The following MACROD2 variants were observed in gnomAD, a reference collection of about 807,000 sequenced individuals.
MACROD2 encodes mono-ADP ribosylhydrolase 2.
Under a neutral mutation model 70.4 loss-of-function variants are expected in MACROD2, and 36 were observed. The observed-to-expected ratio is 0.51, with a 90% CI of 0.39 to 0.68. The LOEUF is 0.68. Ranked by LOEUF, MACROD2 falls within the 30% of genes least tolerant of loss-of-function variation. The probability of loss-of-function intolerance (pLI) is 0.00; values close to 1 mark genes in which losing one functional copy is unlikely to be tolerated. For missense variants in MACROD2, 496 were observed against 538.4 expected (o/e 0.92, Z 0.78); for synonymous variants, 172 against 178.8 (o/e 0.96, Z 0.30).
intron 6 of MACROD2, among the ~76,000 whole-genome samples, chr20:15,398,321 A>G (rs1177896410): frequency 6.6e-6 from 1 of 152,210 alleles, no homozygotes; most frequent in Non-Finnish European, 1.5e-5. Context: ...ATTGAGGTGC[A>G]AAAAGGTTAA....
intron 5 of MACROD2, among the ~76,000 whole-genome samples, chr20:14,789,380 C>T (rs1302401241): frequency 2.0e-5 from 3 of 149,174 alleles, no homozygotes; most frequent in African/African-American, 5.0e-5. Context: ...GAATCCAGGG[C>T]AGCCATCCAA....
chr20:15,105,313 T>C (rs2075902587), intron 5 of MACROD2, among the ~76,000 whole-genome samples: 1 of 152,100 alleles, frequency 6.6e-6, no homozygotes, highest in Non-Finnish European at 1.5e-5. Context: ...CAGGTTCAAC[T>C]CCTATTTTCA....
intron 3 of MACROD2, among the ~76,000 whole-genome samples, chr20:14,149,859 C>CT (rs2054993459): frequency 6.6e-6 from 1 of 151,922 alleles, no homozygotes; most frequent in Admixed American, 6.6e-5. Flanking sequence ...AGAGTATTGC[C>CT]TTTTTTTCTT....
intron 10 of MACROD2, among the ~76,000 whole-genome samples, chr20:15,910,394 ATGTGTGTGTGTGTGTGTGTG>A (rs3072220): frequency 6.8e-6 from 1 of 146,344 alleles, no homozygotes; most frequent in Non-Finnish European, 1.5e-5. Context: ...GTCAGAGGAC[ATGTGTGTGTGTGTGTGTGTG>A]TGTGTGTGTG....
At chr20:15,127,991 A>C (rs6110522) in intron 5 of MACROD2, among the ~76,000 whole-genome samples, 134,821 of 152,128 alleles carry the variant, frequency 0.89, 59,896 homozygotes, top group East Asian at 1. Flanking sequence ...TGTCTTCTCT[A>C]TAGTTTTCTG....
intron 3 of MACROD2, among the ~76,000 whole-genome samples, chr20:14,317,849 A>C (rs1165557558): frequency 6.6e-6 from 1 of 152,190 alleles, no homozygotes; most frequent in African/African-American, 2.4e-5. Context: ...GTGTGAATTA[A>C]ATGAGATTAA....
chr20:14,525,569 G>T (rs1303039180), intron 4 of MACROD2, among the ~76,000 whole-genome samples: 1 of 152,182 alleles, frequency 6.6e-6, no homozygotes, highest in African/African-American at 2.4e-5. Context: ...GCCCAGGCTT[G>T]TCAGACTCTG....
chr20:14,611,767 G>A (rs1205906767), intron 4 of MACROD2, among the ~76,000 whole-genome samples: 1 of 152,046 alleles, frequency 6.6e-6, no homozygotes, highest in Non-Finnish European at 1.5e-5. Context: ...AACCTTAGGA[G>A]ACTCAGAAAC....
At chr20:14,226,756 C>T (rs551958336) in intron 3 of MACROD2, among the ~76,000 whole-genome samples, 53 of 152,358 alleles carry the variant, frequency 3.5e-4, no homozygotes, top group African/African-American at 1.1e-3. Context: ...GGGCAGGGCT[C>T]GGGACCTGCA....
chr20:14,077,058 C>T (rs1354785438), intron 2 of MACROD2, among the ~76,000 whole-genome samples: 1 of 152,088 alleles, frequency 6.6e-6, no homozygotes, highest in East Asian at 1.9e-4. Flanking sequence ...AAATCGTTAA[C>T]AGGGAAATAA....
At chr20:15,386,211 G>T (rs1266801088) in intron 6 of MACROD2, among the ~76,000 whole-genome samples, 1 of 152,144 alleles carries the variant, frequency 6.6e-6, no homozygotes, top group East Asian at 1.9e-4. Flanking sequence ...TATTAGCAAA[G>T]GCAATAGACT....
chr20:14,246,736 C>A (rs6033919), intron 3 of MACROD2, among the ~76,000 whole-genome samples: 1,543 of 152,270 alleles, frequency 0.01, 24 homozygotes, highest in African/African-American at 0.035. Flanking sequence ...AGCATTCAGA[C>A]CCAGTTTAAC....
intron 6 of MACROD2, among the ~76,000 whole-genome samples, chr20:15,420,450 T>C (rs1470106604): frequency 6.6e-6 from 1 of 152,236 alleles, no homozygotes; most frequent in Non-Finnish European, 1.5e-5. Flanking sequence ...GCCGTTTCTA[T>C]GTGATCTCAT....
At chr20:14,657,892 G>T (rs1382927808) in intron 4 of MACROD2, among the ~76,000 whole-genome samples, 2 of 151,450 alleles carry the variant, frequency 1.3e-5, no homozygotes, top group Non-Finnish European at 2.9e-5. Flanking sequence ...ATTTTGATAA[G>T]CAGATGTCTT....
intron 8 of MACROD2, among the ~76,000 whole-genome samples, chr20:15,724,526 A>G (rs762757006): frequency 2.0e-5 from 3 of 151,910 alleles, no homozygotes; most frequent in African/African-American, 4.8e-5. Flanking sequence ...CTCCAGAACC[A>G]TTTGCTTAAA....
chr20:14,024,024 A>G (rs62207754), intron 2 of MACROD2, among the ~76,000 whole-genome samples: 7,663 of 152,228 alleles, frequency 0.05, 273 homozygotes, highest in Non-Finnish European at 0.078. Flanking sequence ...GATTCTTCCT[A>G]TCCATGAGCG....
intron 6 of MACROD2, among the ~76,000 whole-genome samples, chr20:15,346,141 G>A (rs1438433761): frequency 1.3e-5 from 2 of 151,860 alleles, no homozygotes; most frequent in African/African-American, 2.4e-5. Flanking sequence ...ACAGTGCAGT[G>A]GCATAATCAT....
At chr20:15,763,518 G>C (rs1479697032) in intron 8 of MACROD2, among the ~76,000 whole-genome samples, 1 of 152,176 alleles carries the variant, frequency 6.6e-6, no homozygotes, top group Non-Finnish European at 1.5e-5. Context: ...CTAGGTGAAA[G>C]TGTTCTTTAT....
chr20:15,392,278 T>G (rs909608894), intron 6 of MACROD2, among the ~76,000 whole-genome samples: 3 of 152,310 alleles, frequency 2.0e-5, no homozygotes, highest in South Asian at 2.1e-4. Flanking sequence ...TAATACCTAA[T>G]TATCCACCAT....
Sources: allele counts gnomAD v4.1 joint callset (sites outside exome capture counted in the v4.1 genomes callset), GRCh38; gene constraint gnomAD v4.1.1; transcripts MANE v1.5; gene names NCBI Gene and HGNC (gene_info 2026-07-23, HGNC 2026-07-21).